Variants in CHN1 observed in about 807,000 individuals in gnomAD.
CHN1 encodes chimerin 1, also known as N-chimaerin.
Under a neutral mutation model 59.5 loss-of-function variants are expected in CHN1, and 37 were observed. That is an observed-to-expected ratio of 0.62 (90% CI 0.48 to 0.82). CHN1 has a LOEUF of 0.82. Ranked by LOEUF, CHN1 falls within the 40% of genes least tolerant of loss-of-function variation. CHN1 has a pLI of 0.00. For synonymous variants in CHN1, 206 were observed against 200.4 expected (o/e 1.03, Z -0.24); for missense variants, 469 against 571.0 (o/e 0.82, Z 1.82).
At chr2:174,818,854 C>T (rs932320602) in intron 8 of CHN1, among the ~76,000 whole-genome samples, 1 of 151,992 alleles carries the variant, frequency 6.6e-6, no homozygotes, top group African/African-American at 2.4e-5. Flanking sequence ...CTAGAAAGCA[C>T]AGAAATCAAT....
intron 7 of CHN1, among the ~76,000 whole-genome samples, chr2:174,841,122 C>T (rs1686286039): frequency 6.6e-6 from 1 of 152,166 alleles, no homozygotes; most frequent in African/African-American, 2.4e-5. Flanking sequence ...GAAGTATATG[C>T]AACTATGTGC....
At chr2:174,829,254 T>C (rs965460558) in intron 7 of CHN1, among the ~76,000 whole-genome samples, 4 of 152,086 alleles carry the variant, frequency 2.6e-5, no homozygotes, top group East Asian at 1.9e-4. Flanking sequence ...GGATCCCCAG[T>C]ACAGTCTTAT....
intron 3 of CHN1, among the ~76,000 whole-genome samples, chr2:174,920,622 T>C (rs1688987416): frequency 6.6e-6 from 1 of 152,188 alleles, no homozygotes; most frequent in Non-Finnish European, 1.5e-5. Flanking sequence ...TCAAGTCTGA[T>C]ACTGTTTTCA....
At position 175,005,304 on chromosome 2, in the gene CHN1, T is replaced by TCGCACAGCCC. The variant is rs2105480259; in HGVS notation, c.-402_-393dup. ...GGCGACGGGGAGAGCAGCAGCAGCC[T>TCGCACAGCCC]CGCACAGCCCCCGGCGGGGCGCGCT... On this transcript the variant is annotated 5_prime_UTR_variant, in exon 1 of 13. The change creates a premature stop within an existing upstream ORF in the 5' untranslated region. Transcript: ENST00000409900. The TCGCACAGCCC allele has an allele frequency of 8.4e-7, 1 of 1,192,096 alleles. No individual in the cohort carries two copies. Among genetic ancestry groups the TCGCACAGCCC allele is most frequent in the African/African-American group, 1.6e-5 (1 of 61,336 alleles). 73.8% of individuals were successfully genotyped at this position (1,192,096 alleles called of 1,614,324 possible).
chr2:174,924,676 A>G (rs777457533), intron 3 of CHN1, among the ~76,000 whole-genome samples: 15 of 152,332 alleles, frequency 9.8e-5, no homozygotes, highest in Non-Finnish European at 1.6e-4. Flanking sequence ...CAGAGACAAT[A>G]TAACAGTACT....
chr2:174,876,269 C>T (rs368769536), intron 6 of CHN1, among the ~76,000 whole-genome samples: 21 of 152,284 alleles, frequency 1.4e-4, no homozygotes, highest in African/African-American at 4.1e-4. Context: ...TTGGAAAGCA[C>T]GTTCAGAATG....
chr2:174,950,423 C>T (rs1181190304), intron 2 of CHN1, among the ~76,000 whole-genome samples: 1 of 151,854 alleles, frequency 6.6e-6, no homozygotes, highest in East Asian at 1.9e-4. Context: ...TGCACCACTA[C>T]ACCCAGCTAA....
Position 174,878,086 on chromosome 2 carries a change from G to A in CHN1, c.303C>T (p.Gly101=). 6.2e-7 allele frequency: 1 copy of A among 1,608,306 alleles called. No individual in the cohort carries two copies. The highest frequency in any genetic ancestry group is 8.5e-7 in the Non-Finnish European group (1 of 1,176,318). The stretch of plus-strand genomic sequence containing the variant: ...AGCGTTTCTCCCCAACAAAGTGCTT[G>A]CCATCGTAGTAGAGCCTGAAGTTTC... The part of the protein sequence containing the change: ...QTRNFRLYYD[G]KHFVGEKRFE... Residue 101 remains glycine, a synonymous_variant, in exon 6 of 13, where the codon GGC becomes GGT. Transcript: ENST00000409900.
chr2:174,808,097 A>G (rs1157063407), intron 11 of CHN1, among the ~76,000 whole-genome samples: 1 of 152,242 alleles, frequency 6.6e-6, no homozygotes, highest in East Asian at 1.9e-4. Flanking sequence ...AGAATTTACA[A>G]AAACTTCTTG....
intron 1 of CHN1, among the ~76,000 whole-genome samples, chr2:174,971,162 C>T (rs1237559388): frequency 2.6e-5 from 4 of 151,958 alleles, no homozygotes; most frequent in African/African-American, 7.3e-5. Context: ...ACTAAAAATA[C>T]AAAAAATAAG....
chr2:174,865,034 G>A (rs1016005267), intron 6 of CHN1, among the ~76,000 whole-genome samples: 5 of 152,124 alleles, frequency 3.3e-5, no homozygotes, highest in Non-Finnish European at 7.4e-5. Flanking sequence ...TTCATGAAGA[G>A]AGGACAGCAT....
intron 5 of CHN1, among the ~76,000 whole-genome samples, chr2:174,888,193 T>C (rs1206114521): frequency 1.3e-5 from 2 of 152,224 alleles, no homozygotes; most frequent in African/African-American, 4.8e-5. Flanking sequence ...TTTTTTCTTT[T>C]TCTAGTGAAC....
intron 1 of CHN1, among the ~76,000 whole-genome samples, chr2:174,970,473 A>G (rs1405615368): frequency 6.6e-6 from 1 of 152,238 alleles, no homozygotes; most frequent in Non-Finnish European, 1.5e-5. Flanking sequence ...GAATTCAAGG[A>G]AACTTGTATC....
intron 1 of CHN1, among the ~76,000 whole-genome samples, chr2:174,987,009 T>C (rs572403640): frequency 1.4e-4 from 22 of 152,374 alleles, no homozygotes; most frequent in Middle Eastern, 3.4e-3. Context: ...GTGCTGGGAT[T>C]ACAGGCATGA....
intron 5 of CHN1, among the ~76,000 whole-genome samples, chr2:174,902,486 G>A (rs1488240182): frequency 6.6e-6 from 1 of 152,062 alleles, no homozygotes; most frequent in African/African-American, 2.4e-5. Flanking sequence ...AGAACTAAAT[G>A]TTACTGTCAT....
At chr2:174,802,012 C>A (rs550224927) in intron 11 of CHN1, 200 bp from the exon 12 acceptor site, 10 of 434,988 alleles carry the variant, frequency 2.3e-5, no homozygotes, top group South Asian at 2.3e-4. Context: ...TGTGGCAACA[C>A]TATTTACTTG....
chr2:174,953,139 C>A (rs539160270), intron 1 of CHN1, among the ~76,000 whole-genome samples: 132 of 150,654 alleles, frequency 8.8e-4, no homozygotes, highest in African/African-American at 3.0e-3. Flanking sequence ...GCAATCTGAT[C>A]CAAAAATTTT....
intron 7 of CHN1, among the ~76,000 whole-genome samples, chr2:174,825,581 A>C (rs60663411): frequency 0.38 from 57,234 of 152,056 alleles, 12,363 homozygotes; most frequent in Admixed American, 0.55. Context: ...ACTCAGACAA[A>C]AAAATATTGG....
intron 5 of CHN1, among the ~76,000 whole-genome samples, chr2:174,881,274 G>A (rs1687725162): frequency 6.6e-6 from 1 of 152,096 alleles, no homozygotes; most frequent in Admixed American, 6.6e-5. Flanking sequence ...AAGTACAAAA[G>A]CATCCTTGCA....
Sources: gnomAD v4.1 joint callset for allele counts (sites outside exome capture counted in the v4.1 genomes callset) on GRCh38, gnomAD v4.1.1 for gene constraint, MANE v1.5 for transcripts, NCBI Gene and HGNC (gene_info 2026-07-23, HGNC 2026-07-21) for gene names.